INPP4B: variants seen among roughly 807,000 people sequenced by gnomAD.
INPP4B encodes inositol polyphosphate-4-phosphatase type II B, also known as inositol polyphosphate 4-phosphatase type II.
Under a neutral mutation model 122.5 loss-of-function variants are expected in INPP4B, and 55 were observed. The ratio of observed to expected loss-of-function variants is 0.45; its 90% confidence interval spans 0.36 to 0.56. The LOEUF (loss-of-function observed/expected upper bound fraction) is 0.56. Among genes scored for constraint, INPP4B ranks in the 20% least tolerant of loss-of-function variants. The pLI is 0.00. For synonymous variants in INPP4B, 403 were observed against 388.7 expected (o/e 1.04, Z -0.43); for missense variants, 1,000 against 1,097.7 (o/e 0.91, Z 1.26).
At chr4:142,587,874 C>T (rs1414666523) in intron 2 of INPP4B, among the ~76,000 whole-genome samples, 1 of 151,830 alleles carries the variant, frequency 6.6e-6, no homozygotes, top group Non-Finnish European at 1.5e-5. Context: ...TAGATAGAGA[C>T]ACTAGAAGAA....
chr4:142,436,728 G>A (rs923161582), intron 3 of INPP4B, among the ~76,000 whole-genome samples: 4 of 151,752 alleles, frequency 2.6e-5, no homozygotes, highest in Non-Finnish European at 5.9e-5. Flanking sequence ...CAACAAAAAT[G>A]TCCCCACAGA....
chr4:142,424,310 G>A (rs2149330282), intron 5 of INPP4B, among the ~76,000 whole-genome samples: 1 of 151,954 alleles, frequency 6.6e-6, no homozygotes, highest in Middle Eastern at 3.4e-3. Flanking sequence ...GTAAATTAAA[G>A]GCAAGAAGTA....
chr4:142,384,238 C>T, intron 7 of INPP4B: 1 of 646,460 alleles, frequency 1.5e-6, no homozygotes, highest in Non-Finnish European at 2.8e-6. Context: ...GGTATTAACT[C>T]AATTAGTTAG....
At chr4:142,157,128 A>G (rs1817642026) in intron 17 of INPP4B, among the ~76,000 whole-genome samples, 1 of 152,134 alleles carries the variant, frequency 6.6e-6, no homozygotes, top group Non-Finnish European at 1.5e-5. Context: ...TAATTAAAAA[A>G]GGGAGTATAC....
intron 1 of INPP4B, among the ~76,000 whole-genome samples, chr4:142,741,325 T>A (rs1414465108): frequency 6.6e-6 from 1 of 151,260 alleles, no homozygotes; most frequent in Non-Finnish European, 1.5e-5. Flanking sequence ...AGAGTGGGAG[T>A]AGGAGAGAGA....
chr4:142,512,566 GT>G (rs1453426127), intron 2 of INPP4B, among the ~76,000 whole-genome samples: 1 of 152,096 alleles, frequency 6.6e-6, no homozygotes, highest in Admixed American at 6.6e-5. Context: ...GCTTGGGCAA[GT>G]TTATGAGGAA....
At chr4:142,693,217 A>T (rs1283226650) in intron 2 of INPP4B, among the ~76,000 whole-genome samples, 1 of 151,996 alleles carries the variant, frequency 6.6e-6, no homozygotes, top group East Asian at 1.9e-4. Flanking sequence ...TAACCTTGGT[A>T]TGTGTCATGG....
chr4:142,718,355 C>G (rs567994191), intron 2 of INPP4B, among the ~76,000 whole-genome samples: 3 of 152,178 alleles, frequency 2.0e-5, no homozygotes, highest in Non-Finnish European at 4.4e-5. Flanking sequence ...CTGGCGGGCT[C>G]TCTATTCAAA....
At chr4:142,826,640 T>C (rs535527343) in intron 1 of INPP4B, among the ~76,000 whole-genome samples, 1 of 152,006 alleles carries the variant, frequency 6.6e-6, no homozygotes, top group Non-Finnish European at 1.5e-5. Flanking sequence ...ATATTTTGGT[T>C]ACAGTGTCCT....
intron 1 of INPP4B, among the ~76,000 whole-genome samples, chr4:142,784,537 A>G (rs1775441797): frequency 6.6e-6 from 1 of 152,068 alleles, no homozygotes; most frequent in African/African-American, 2.4e-5. Context: ...TACCTGGAGC[A>G]AAAGCTGCTG....
chr4:142,506,034 TAAAG>T (rs1271911773), intron 2 of INPP4B, among the ~76,000 whole-genome samples: 3 of 152,144 alleles, frequency 2.0e-5, no homozygotes, highest in African/African-American at 4.8e-5. Flanking sequence ...ATTTTGAAGA[TAAAG>T]AAATTAATAT....
chr4:142,279,119 A>G (rs1750005457), intron 9 of INPP4B, among the ~76,000 whole-genome samples: 1 of 151,994 alleles, frequency 6.6e-6, no homozygotes, highest in South Asian at 2.1e-4. Context: ...TTTATGCTGA[A>G]AACTATAAAT....
At chr4:142,090,985 C>T (rs1310452497) in intron 23 of INPP4B, among the ~76,000 whole-genome samples, 1 of 151,876 alleles carries the variant, frequency 6.6e-6, no homozygotes. Context: ...GTCAAATGTG[C>T]AAAACTGTAC....
chr4:142,593,378 T>C (rs773389075), intron 2 of INPP4B, among the ~76,000 whole-genome samples: 1 of 152,120 alleles, frequency 6.6e-6, no homozygotes, highest in Non-Finnish European at 1.5e-5. Context: ...TTTAACCTTC[T>C]CAGAATTTAT....
At chr4:142,634,374 T>A (rs1424344646) in intron 2 of INPP4B, among the ~76,000 whole-genome samples, 1 of 152,104 alleles carries the variant, frequency 6.6e-6, no homozygotes, top group African/African-American at 2.4e-5. Context: ...AACAAGAACA[T>A]TTTGAGAAAT....
At chr4:142,816,587 T>C (rs1780147067) in intron 1 of INPP4B, among the ~76,000 whole-genome samples, 1 of 152,044 alleles carries the variant, frequency 6.6e-6, no homozygotes, top group African/African-American at 2.4e-5. Context: ...CAATATCCCA[T>C]GGTGCCTAAC....
At chr4:142,661,800 T>C (rs928515493) in intron 2 of INPP4B, among the ~76,000 whole-genome samples, 14 of 152,220 alleles carry the variant, frequency 9.2e-5, no homozygotes, top group Non-Finnish European at 1.9e-4. Flanking sequence ...AAGTCTTTCC[T>C]TCAAAACAGG....
chr4:142,555,579 A>T (rs966538976), intron 2 of INPP4B, among the ~76,000 whole-genome samples: 3 of 152,152 alleles, frequency 2.0e-5, no homozygotes, highest in African/African-American at 7.2e-5. Flanking sequence ...AAATTTAAAA[A>T]GCATTTCGGC....
intron 1 of INPP4B, among the ~76,000 whole-genome samples, chr4:142,831,600 G>A (rs1488734446): frequency 6.6e-6 from 1 of 152,174 alleles, no homozygotes; most frequent in Non-Finnish European, 1.5e-5. Context: ...AGATTCTCTT[G>A]TGTTTTCAAT....
Sources: gnomAD v4.1 joint callset for allele counts (sites outside exome capture counted in the v4.1 genomes callset) on GRCh38, gnomAD v4.1.1 for gene constraint, MANE v1.5 for transcripts, NCBI Gene and HGNC (gene_info 2026-07-23, HGNC 2026-07-21) for gene names.